Variants in HDAC9 observed in about 807,000 individuals in gnomAD.
HDAC9 encodes the protein histone deacetylase 9.
HDAC9 carries 41 observed loss-of-function variants against 139.4 expected under a neutral mutation model. The observed-to-expected ratio is 0.29, with a 90% CI of 0.23 to 0.38. HDAC9 has a LOEUF of 0.38. Among genes scored for constraint, HDAC9 ranks in the 10% least tolerant of loss-of-function variants. The pLI, the probability that HDAC9 is intolerant of heterozygous loss-of-function variation, is 1.00. For synonymous variants in HDAC9, 517 were observed against 476.2 expected (o/e 1.09, Z -1.12); for missense variants, 1,147 against 1,297.0 (o/e 0.88, Z 1.78).
intron 12 of HDAC9, among the ~76,000 whole-genome samples, chr7:18,724,225 C>G (rs1273004830): frequency 6.6e-6 from 1 of 152,078 alleles, no homozygotes; most frequent in Non-Finnish European, 1.5e-5. Context: ...ATAGCACTCA[C>G]TGTATTTATA....
intron 11 of HDAC9, among the ~76,000 whole-genome samples, chr7:18,651,036 A>G (rs151277558): frequency 1.2e-3 from 178 of 152,282 alleles, no homozygotes; most frequent in African/African-American, 4.2e-3. Flanking sequence ...CCCATGTCCT[A>G]TCCTGAAATA....
chr7:18,437,941 C>T (rs115864243), intron 1 of HDAC9, among the ~76,000 whole-genome samples: 4,772 of 150,494 alleles, frequency 0.032, 89 homozygotes, highest in African/African-American at 0.057. Flanking sequence ...CATTATATAA[C>T]GTTACACACA....
intron 1 of HDAC9, among the ~76,000 whole-genome samples, chr7:18,157,778 A>G (rs1200567806): frequency 2.0e-5 from 3 of 149,624 alleles, no homozygotes; most frequent in Non-Finnish European, 4.4e-5. Flanking sequence ...AGTTGAAATT[A>G]CAGCAGAATT....
At chr7:18,582,575 C>G (rs1205732144) in intron 2 of HDAC9, among the ~76,000 whole-genome samples, 1 of 151,850 alleles carries the variant, frequency 6.6e-6, no homozygotes. Flanking sequence ...AATGTGACAA[C>G]TTTTTTAATG....
chr7:18,370,415 A>G (rs1483946038), intron 1 of HDAC9, among the ~76,000 whole-genome samples: 1 of 152,036 alleles, frequency 6.6e-6, no homozygotes, highest in Non-Finnish European at 1.5e-5. Context: ...AAAATATTGA[A>G]CTCTAGCTAG....
rs142426993 is a variant in HDAC9, at chr7:18,730,466, A to G, written c.1909+2709A>G. 1.8e-3 allele frequency among the ~76,000 whole-genome samples: 275 copies of G among 152,314 alleles called. 1 individual carries two copies. The highest frequency in any genetic ancestry group is 6.5e-3 in the African/African-American group (269 of 41,570). Reference sequence around the variant, plus strand: ...CTATTTGTTGCAGACATGTTAAACAATCTAAAGGAACATTCACCTATGTTC... The same window carrying G: ...CTATTTGTTGCAGACATGTTAAACAGTCTAAAGGAACATTCACCTATGTTC... On this transcript the variant is annotated intron_variant, in intron 13 of 25. Coordinates refer to ENST00000686413, the MANE Select transcript of HDAC9 (RefSeq NM_178425.4).
intron 17 of HDAC9, among the ~76,000 whole-genome samples, chr7:18,825,433 A>G (rs937177787): frequency 4.6e-5 from 7 of 152,162 alleles, no homozygotes; most frequent in African/African-American, 1.4e-4. Context: ...GATGCAGCCA[A>G]TAGTGTTGAA....
rs1303000080 is a variant in HDAC9 at position 18,590,501 on chromosome 7, G to C, written c.415+15G>C. On this transcript the variant is annotated intron_variant, in intron 4 of 25. Transcript: ENST00000686413. ...AGGACGAGAAAGTAAGAGGCACCAG[G>C]GTAAACGATGGACTCTCTTTCCTCA... 1 of 1,582,996 alleles carries C rather than the reference G, an allele frequency of 6.3e-7. No individual in the cohort carries two copies. The highest frequency in any genetic ancestry group is 8.6e-7 in the Non-Finnish European group (1 of 1,164,340).
At chr7:18,887,252 AG>A (rs1281884389) in intron 22 of HDAC9, among the ~76,000 whole-genome samples, 5 of 152,224 alleles carry the variant, frequency 3.3e-5, no homozygotes, top group Admixed American at 3.3e-4. Flanking sequence ...TTCCGCTTCC[AG>A]AATTTCTGAC....
At chr7:18,348,695 T>C (rs1782611285) in intron 1 of HDAC9, among the ~76,000 whole-genome samples, 1 of 152,194 alleles carries the variant, frequency 6.6e-6, no homozygotes, top group African/African-American at 2.4e-5. Context: ...CAAAATCTCC[T>C]AACACAAACT....
intron 1 of HDAC9, among the ~76,000 whole-genome samples, chr7:18,366,737 C>A (rs978619643): frequency 6.6e-6 from 1 of 152,096 alleles, no homozygotes; most frequent in Admixed American, 6.6e-5. Flanking sequence ...AGAGTTATAA[C>A]TTGGTTTCTA....
chr7:18,820,738 A>C (rs565289306), intron 17 of HDAC9, among the ~76,000 whole-genome samples: 32 of 152,342 alleles, frequency 2.1e-4, no homozygotes, highest in Non-Finnish European at 3.5e-4. Flanking sequence ...AATGGTGAGC[A>C]AAAAGTAGAT....
intron 1 of HDAC9, among the ~76,000 whole-genome samples, chr7:18,407,116 C>T (rs17139186): frequency 4.9e-4 from 75 of 152,238 alleles, no homozygotes; most frequent in African/African-American, 1.6e-3. Flanking sequence ...TTCTAAACTT[C>T]CGAAGTCTAA....
At chr7:18,359,433 TCTTA>T (rs1386776241) in intron 1 of HDAC9, among the ~76,000 whole-genome samples, 4 of 152,204 alleles carry the variant, frequency 2.6e-5, no homozygotes, top group African/African-American at 9.7e-5. Flanking sequence ...CAAACTATCT[TCTTA>T]CTTCTTTTCT....
chr7:18,328,601 T>C (rs1001649735), intron 1 of HDAC9, among the ~76,000 whole-genome samples: 3 of 151,960 alleles, frequency 2.0e-5, no homozygotes, highest in African/African-American at 7.2e-5. Flanking sequence ...TGTTCACATT[T>C]ACTGATTGCA....
At chr7:18,261,027 G>A (rs1164736328) in intron 2 of HDAC9, among the ~76,000 whole-genome samples, 1 of 152,164 alleles carries the variant, frequency 6.6e-6, no homozygotes, top group East Asian at 1.9e-4. Flanking sequence ...GGCATGGCTG[G>A]CTCTGGGGCT....
At chr7:18,349,909 A>G (rs1344580366) in intron 1 of HDAC9, among the ~76,000 whole-genome samples, 2 of 152,144 alleles carry the variant, frequency 1.3e-5, no homozygotes, top group Admixed American at 6.5e-5. Flanking sequence ...GCTTTGGAAC[A>G]TATGTGAGAA....
At chr7:18,989,143 A>T in intron 25 of HDAC9, among the ~76,000 whole-genome samples, 2 of 143,656 alleles carry the variant, frequency 1.4e-5, no homozygotes, top group East Asian at 2.0e-4. Context: ...TCGTTGATGC[A>T]GTTTCTTCCT....
intron 12 of HDAC9, among the ~76,000 whole-genome samples, chr7:18,696,734 C>T (rs993893384): frequency 6.6e-6 from 1 of 152,140 alleles, no homozygotes; most frequent in Non-Finnish European, 1.5e-5. Flanking sequence ...TCCCAAAGTG[C>T]TGGGATTACA....
Sources: gnomAD v4.1 joint callset for allele counts (sites outside exome capture counted in the v4.1 genomes callset) on GRCh38, gnomAD v4.1.1 for gene constraint, MANE v1.5 for transcripts, NCBI Gene and HGNC (gene_info 2026-07-23, HGNC 2026-07-21) for gene names.